Variants in FNDC3A observed in about 807,000 individuals in gnomAD.
FNDC3A encodes fibronectin type-III domain-containing protein 3A.
Under a neutral mutation model 148.9 loss-of-function variants are expected in FNDC3A, and 32 were observed. That is an observed-to-expected ratio of 0.21 (90% CI 0.16 to 0.29). FNDC3A has a LOEUF of 0.29. Ranked by LOEUF, FNDC3A falls within the 10% of genes least tolerant of loss-of-function variation. The pLI is 1.00. For synonymous variants in FNDC3A, 472 were observed against 473.6 expected (o/e 1.00, Z 0.04); for missense variants, 1,191 against 1,452.8 (o/e 0.82, Z 2.93).
At chr13:49,046,769 A>G (rs1875441108) in intron 2 of FNDC3A, 1 of 152,216 alleles carries the variant, frequency 6.6e-6, no homozygotes, top group African/African-American at 2.4e-5. Context: ...AAATCATCAC[A>G]TAATGAGTCT....
chr13:49,081,230 T>C (rs776309011), intron 3 of FNDC3A, among the ~76,000 whole-genome samples: 6 of 152,202 alleles, frequency 3.9e-5, no homozygotes, highest in Non-Finnish European at 7.3e-5. Flanking sequence ...TTTGCATTGT[T>C]ATGGCACTTC....
At chr13:49,039,416 GCTCCTTTGTCCTTCCTCA>G (rs1488406270) in intron 2 of FNDC3A, among the ~76,000 whole-genome samples, 8 of 152,092 alleles carry the variant, frequency 5.3e-5, no homozygotes, top group Non-Finnish European at 1.0e-4. Context: ...TGGTATCAAT[GCTCCTTTGTCCTTCCTCA>G]CTCCAGAGAT....
intron 4 of FNDC3A, among the ~76,000 whole-genome samples, chr13:49,119,375 A>G (rs193183219): frequency 8.5e-5 from 13 of 152,340 alleles, no homozygotes; most frequent in African/African-American, 2.4e-4. Context: ...AAAGGTAGAT[A>G]AATCCATGAA....
intron 1 of FNDC3A, among the ~76,000 whole-genome samples, chr13:48,999,756 A>G (rs929044838): frequency 1.3e-5 from 2 of 152,182 alleles, no homozygotes; most frequent in South Asian, 2.1e-4. Flanking sequence ...TGGAGCTCCC[A>G]TGATGTGATT....
intron 23 of FNDC3A, among the ~76,000 whole-genome samples, chr13:49,198,901 G>GA (rs1886289973): frequency 6.6e-6 from 1 of 152,052 alleles, no homozygotes; most frequent in African/African-American, 2.4e-5. Flanking sequence ...AATACCAAGA[G>GA]AAAAAAATAA....
chr13:49,109,137 G>A (rs1880386980), intron 3 of FNDC3A, among the ~76,000 whole-genome samples: 1 of 152,224 alleles, frequency 6.6e-6, no homozygotes, highest in Non-Finnish European at 1.5e-5. Context: ...TTAGGATTAA[G>A]TGAGTTAACG....
chr13:49,160,023 T>G (rs1278948315), intron 8 of FNDC3A, among the ~76,000 whole-genome samples: 1 of 152,240 alleles, frequency 6.6e-6, no homozygotes, highest in Non-Finnish European at 1.5e-5. Flanking sequence ...GGTTTGCCAG[T>G]ATTTTATTGA....
Position 49,110,299 on chromosome 13 carries a change from G to GCA in FNDC3A, c.176-4355_176-4354dup, listed in dbSNP as rs1258168415. 4 of 1,440,346 alleles carry GCA rather than the reference G, an allele frequency of 2.8e-6. No homozygotes were observed. In the Admixed American group the frequency reaches 6.7e-5, roughly 24 times the overall value. 89.2% of individuals were successfully genotyped at this position (1,440,346 alleles called of 1,614,324 possible). ...AAGGATCTTTTCCTCTTACAGCCTTGCAAAAAAAAAAAAAGCCGTTCTCCA... is the reference window on the plus strand; with the variant it reads ...AAGGATCTTTTCCTCTTACAGCCTTGCACAAAAAAAAAAAAAGCCGTTCTCCA... On this transcript the variant is annotated intron_variant, in intron 3 of 25. Transcript: ENST00000492622.
At chr13:49,158,182 G>C (rs1038784426) in intron 8 of FNDC3A, among the ~76,000 whole-genome samples, 1 of 152,290 alleles carries the variant, frequency 6.6e-6, no homozygotes, top group African/African-American at 2.4e-5. Flanking sequence ...GACTCCGTGG[G>C]CGTAGGACCC....
intron 2 of FNDC3A, among the ~76,000 whole-genome samples, chr13:49,028,911 G>A (rs1156870482): frequency 2.0e-5 from 3 of 152,196 alleles, no homozygotes; most frequent in Non-Finnish European, 2.9e-5. Context: ...ATATTTTCAA[G>A]TATACATGGA....
At chr13:49,099,731 A>T (rs1879747802) in intron 3 of FNDC3A, among the ~76,000 whole-genome samples, 1 of 152,136 alleles carries the variant, frequency 6.6e-6, no homozygotes, top group Non-Finnish European at 1.5e-5. Context: ...TGAGATTTGT[A>T]AAAATATGTA....
chr13:49,021,830 G>T (rs879513881), intron 2 of FNDC3A, among the ~76,000 whole-genome samples: 5 of 152,126 alleles, frequency 3.3e-5, no homozygotes, highest in Admixed American at 3.3e-4. Context: ...TAAAAATGCA[G>T]TATGATCAGA....
At chr13:49,080,996 A>T (rs1315604056) in intron 3 of FNDC3A, among the ~76,000 whole-genome samples, 2 of 152,244 alleles carry the variant, frequency 1.3e-5, no homozygotes, top group Non-Finnish European at 2.9e-5. Flanking sequence ...GGCACCCAGC[A>T]CATAGAGACT....
chr13:49,141,221 A>G (rs2137954423), intron 7 of FNDC3A, among the ~76,000 whole-genome samples: 1 of 152,340 alleles, frequency 6.6e-6, no homozygotes, highest in Non-Finnish European at 1.5e-5. Flanking sequence ...CCTCACATGC[A>G]TGAAATAATT....
chr13:49,181,573 A>G (rs1278294036), intron 14 of FNDC3A, among the ~76,000 whole-genome samples: 1 of 152,190 alleles, frequency 6.6e-6, no homozygotes, highest in South Asian at 2.1e-4. Flanking sequence ...GAGCTCAGAC[A>G]CTTATTTTAA....
intron 1 of FNDC3A, 68 bp from the exon 2 acceptor site, chr13:49,006,084 T>C: frequency 1.9e-6 from 1 of 534,906 alleles, no homozygotes; most frequent in South Asian, 3.3e-5. Context: ...TGAAACATCT[T>C]GAATGTACAA....
chr13:49,023,925 A>G (rs1024120601), intron 2 of FNDC3A, among the ~76,000 whole-genome samples: 2 of 151,980 alleles, frequency 1.3e-5, no homozygotes, highest in Admixed American at 1.3e-4. Context: ...TCATATAAAA[A>G]TAAAAAAGAT....
At chr13:49,038,536 C>A (rs946760033) in intron 2 of FNDC3A, among the ~76,000 whole-genome samples, 1 of 152,184 alleles carries the variant, frequency 6.6e-6, no homozygotes, top group Non-Finnish European at 1.5e-5. Context: ...CAACACCTTG[C>A]TTTGAGACCT....
At chr13:49,030,995 T>C (rs1030139092) in intron 2 of FNDC3A, among the ~76,000 whole-genome samples, 1 of 152,216 alleles carries the variant, frequency 6.6e-6, no homozygotes, top group African/African-American at 2.4e-5. Flanking sequence ...TATTAACAAG[T>C]TGAGCCTAAA....
Sources: allele counts gnomAD v4.1 joint callset (sites outside exome capture counted in the v4.1 genomes callset), GRCh38; gene constraint gnomAD v4.1.1; transcripts MANE v1.5; gene names NCBI Gene and HGNC (gene_info 2026-07-23, HGNC 2026-07-21).